PPP1R3F: variants seen among roughly 807,000 people sequenced by gnomAD.
PPP1R3F encodes protein phosphatase 1, regulatory (inhibitor) subunit 3F.
In PPP1R3F, 29 loss-of-function variants were observed where a neutral mutation model predicts 24.2. The observed-to-expected ratio is 1.20, with a 90% CI of 0.89 to 1.63. The LOEUF is 1.63. Among genes scored for constraint, PPP1R3F ranks in the 40% most tolerant of loss-of-function variants. PPP1R3F has a pLI of 0.00. For missense variants in PPP1R3F, 823 were observed against 729.3 expected, an observed-to-expected ratio of 1.13 and a Z score of -1.48; for synonymous variants, 363 against 340.1, an observed-to-expected ratio of 1.07 and a Z score of -0.74.
chrX:49,282,692 G>A (rs972405665), intron 3 of PPP1R3F, among the ~76,000 whole-genome samples: 2 of 108,302 alleles, frequency 1.8e-5, no homozygotes, highest in African/African-American at 6.9e-5. Context: ...AGAAGCCAGC[G>A]CAGCAGGGGC....
At chrX:49,282,821 C>T (rs1483444513) in intron 3 of PPP1R3F, among the ~76,000 whole-genome samples, 3 of 109,465 alleles carry the variant, frequency 2.7e-5, no homozygotes, top group South Asian at 3.9e-4. Context: ...GAGGGGGAGC[C>T]GCAAGAGCAT....
chrX:49,288,367 C>T (rs1174503697), downstream of PPP1R3F, among the ~76,000 whole-genome samples: 1 of 112,509 alleles, frequency 8.9e-6, no homozygotes, highest in African/African-American at 3.2e-5. Flanking sequence ...CAAGATACCA[C>T]ACTCTCCTCA....
At chrX:49,300,651 C>T (rs782288478) in intron 3 of PPP1R3F, among the ~76,000 whole-genome samples, 17 of 109,519 alleles carry the variant, frequency 1.6e-4, no homozygotes, top group East Asian at 2.8e-4. Context: ...CACCGTGGCC[C>T]GATTAATTTT....
At chrX:49,274,171 T>C (rs1410757075) in intron 1 of PPP1R3F, 1 of 112,593 alleles carries the variant, frequency 8.9e-6, no homozygotes, top group Non-Finnish European at 1.9e-5. Context: ...AATTTCTCTT[T>C]CCTGGATGAG....
intron 1 of PPP1R3F, 67 bp downstream of exon 1, chrX:49,270,940 G>T: frequency 9.4e-7 from 1 of 1,058,373 alleles, no homozygotes; most frequent in Admixed American, 2.9e-5. Flanking sequence ...AAGCATTCCG[G>T]CCCAGGAACC....
At chrX:49,293,948 C>T (rs1557122581) in intron 3 of PPP1R3F, among the ~76,000 whole-genome samples, 1 of 111,582 alleles carries the variant, frequency 9.0e-6, no homozygotes, top group African/African-American at 3.3e-5. Context: ...GAGCCAAGAT[C>T]GGGCCACTGC....
intron 1 of PPP1R3F, among the ~76,000 whole-genome samples, chrX:49,278,144 C>A (rs956068713): frequency 1.1e-4 from 12 of 112,180 alleles, no homozygotes; most frequent in African/African-American, 3.6e-4. Context: ...GAGTCCTTTA[C>A]CTGCTGGCTA....
chrX:49,287,192 G>T lies in PPP1R3F; in HGVS notation c.*102G>T, dbSNP rs146642259. The T allele has an allele frequency of 5.2e-3, 4,437 of 858,004 alleles. 15 individuals carry two copies. The highest frequency in any genetic ancestry group is 6.0e-3 in the Non-Finnish European group (3,705 of 616,657). The allele number at this position is 858,004 out of a possible 1,213,427, so 70.7% of individuals were successfully genotyped here. On this transcript the variant is annotated 3_prime_UTR_variant, in exon 4 of 4. Transcript: ENST00000055335. ...TCTGAGAATGCTCAACTGAAAGAGA[G>T]GCCTTCTCATCCCCAAGCTCTCCAG...
At chrX:49,271,537 C>G (rs1335632099) in intron 1 of PPP1R3F, among the ~76,000 whole-genome samples, 3 of 112,552 alleles carry the variant, frequency 2.7e-5, no homozygotes, top group Non-Finnish European at 5.6e-5. Flanking sequence ...ACTGCAATGA[C>G]ATAGTGTGGA....
At chrX:49,278,382 T>C (rs1456515571) in intron 1 of PPP1R3F, among the ~76,000 whole-genome samples, 2 of 112,447 alleles carry the variant, frequency 1.8e-5, no homozygotes, top group African/African-American at 3.2e-5. Context: ...AGGACTATGG[T>C]AACAAAAAGA....
intron 1 of PPP1R3F, 173 bp from the exon 2 acceptor site, chrX:49,281,233 T>C: frequency 3.0e-6 from 1 of 329,237 alleles, no homozygotes; most frequent in Non-Finnish European, 5.3e-6. Context: ...GAATTTTCTA[T>C]AATGAGGCTG....
intron 3 of PPP1R3F, among the ~76,000 whole-genome samples, chrX:49,293,437 G>T (rs1432038340): frequency 9.8e-5 from 11 of 112,019 alleles, no homozygotes; most frequent in African/African-American, 3.6e-4. Flanking sequence ...TGTTTATATA[G>T]TAAAACTATT....
intron 1 of PPP1R3F, among the ~76,000 whole-genome samples, chrX:49,276,672 T>C (rs1055887971): frequency 4.5e-5 from 5 of 111,676 alleles, no homozygotes; most frequent in Non-Finnish European, 9.4e-5. Flanking sequence ...TTACTATGGG[T>C]CGTGGCCAAA....
At chrX:49,273,515 T>A (rs782009928) in intron 1 of PPP1R3F, 5 of 112,410 alleles carry the variant, frequency 4.4e-5, no homozygotes, top group Non-Finnish European at 7.5e-5. Flanking sequence ...CGATCTCAGC[T>A]CTTGCAAAGG....
intron 3 of PPP1R3F, among the ~76,000 whole-genome samples, chrX:49,297,308 G>A (rs1315891763): frequency 1.8e-5 from 2 of 109,030 alleles, no homozygotes; most frequent in Non-Finnish European, 3.8e-5. Flanking sequence ...CCATCTCCTG[G>A]GTTCACGCCA....
intron 3 of PPP1R3F, chrX:49,301,255 A>T: frequency 2.5e-6 from 1 of 404,185 alleles, no homozygotes; most frequent in South Asian, 2.6e-5. Flanking sequence ...TGTCTATTTA[A>T]TAAAACCCAA....
chrX:49,291,423 G>C (rs972953537), downstream of PPP1R3F, among the ~76,000 whole-genome samples: 2 of 108,782 alleles, frequency 1.8e-5, no homozygotes, highest in African/African-American at 6.7e-5. Flanking sequence ...TGCCCCCTGG[G>C]TTCAAGAGAT....
chrX:49,295,455 T>G, intron 3 of PPP1R3F, among the ~76,000 whole-genome samples: 1 of 112,315 alleles, frequency 8.9e-6, no homozygotes, highest in Non-Finnish European at 1.9e-5. Flanking sequence ...CATTGATTGA[T>G]TTTTGAATAT....
At chrX:49,274,809 A>G (rs1557119832) in intron 1 of PPP1R3F, 2 of 111,427 alleles carry the variant, frequency 1.8e-5, no homozygotes, top group African/African-American at 3.3e-5. Context: ...ACAAAACAGA[A>G]GCCATAAGAA....
Sources: gnomAD v4.1 joint callset for allele counts (sites outside exome capture counted in the v4.1 genomes callset) on GRCh38, gnomAD v4.1.1 for gene constraint, MANE v1.5 for transcripts, NCBI Gene and HGNC (gene_info 2026-07-23, HGNC 2026-07-21) for gene names.